Variants in RNF150 observed in about 807,000 individuals in gnomAD.
RNF150 encodes the protein ring finger protein 150.
In RNF150, 24 loss-of-function variants were observed where a neutral mutation model predicts 39.3. The observed-to-expected ratio is 0.61, with a 90% CI of 0.44 to 0.86. The LOEUF (loss-of-function observed/expected upper bound fraction) is 0.86. Among genes scored for constraint, RNF150 ranks in the 40% least tolerant of loss-of-function variants. The pLI is 0.00. For missense variants in RNF150, 502 were observed against 587.8 expected (o/e 0.85, Z 1.51); for synonymous variants, 255 against 227.3 (o/e 1.12, Z -1.10).
At chr4:140,956,759 C>A (rs772230770) in intron 2 of RNF150, among the ~76,000 whole-genome samples, 1 of 152,204 alleles carries the variant, frequency 6.6e-6, no homozygotes, top group Non-Finnish European at 1.5e-5. Flanking sequence ...CACATATCTA[C>A]AACTACCTAA....
At chr4:141,052,065 T>G (rs923234812) in intron 1 of RNF150, among the ~76,000 whole-genome samples, 1 of 152,122 alleles carries the variant, frequency 6.6e-6, no homozygotes, top group African/African-American at 2.4e-5. Context: ...GAAACTCGTT[T>G]TTAAAACCAT....
chr4:141,110,293 A>G (rs1032814520), intron 1 of RNF150, among the ~76,000 whole-genome samples: 1 of 152,130 alleles, frequency 6.6e-6, no homozygotes, highest in Admixed American at 6.6e-5. Flanking sequence ...AGATTCTACT[A>G]TCTTCCCACA....
intron 1 of RNF150, among the ~76,000 whole-genome samples, chr4:141,001,598 A>G (rs1441520803): frequency 6.6e-6 from 1 of 152,054 alleles, no homozygotes; most frequent in Non-Finnish European, 1.5e-5. Flanking sequence ...CTGGTTTAAA[A>G]CCATATCCAA....
At chr4:141,212,073 G>A (rs547908469) in intron 1 of RNF150, among the ~76,000 whole-genome samples, 1 of 152,284 alleles carries the variant, frequency 6.6e-6, no homozygotes, top group East Asian at 1.9e-4. Flanking sequence ...CAGAGTTCCA[G>A]GTGCTACCAA....
At chr4:141,102,621 C>T (rs368986946) in intron 1 of RNF150, among the ~76,000 whole-genome samples, 1 of 152,174 alleles carries the variant, frequency 6.6e-6, no homozygotes, top group African/African-American at 2.4e-5. Flanking sequence ...AGTCCTGCTT[C>T]CCTTGCTCAA....
chr4:140,907,587 A>T (rs1410764336), intron 6 of RNF150, among the ~76,000 whole-genome samples: 1 of 152,234 alleles, frequency 6.6e-6, no homozygotes, highest in African/African-American at 2.4e-5. Flanking sequence ...TGAGAGTATA[A>T]GTAGGAAGTA....
At chr4:140,892,756 C>T (rs181554727) in intron 6 of RNF150, among the ~76,000 whole-genome samples, 23 of 151,212 alleles carry the variant, frequency 1.5e-4, no homozygotes, top group African/African-American at 5.7e-4. Context: ...CCAAACTGTA[C>T]CCTAGAGTAA....
At chr4:141,043,697 A>G (rs1453039767) in intron 1 of RNF150, among the ~76,000 whole-genome samples, 1 of 152,122 alleles carries the variant, frequency 6.6e-6, no homozygotes, top group Admixed American at 6.6e-5. Context: ...AAGTAGGTCA[A>G]TTGGGTGGGA....
At position 140,886,355 on chromosome 4, in the gene RNF150, T is replaced by C. The variant is rs373310602; in HGVS notation, c.1199-17976A>G. Among the ~76,000 whole-genome samples the C allele has an allele frequency of 7.2e-5, 11 of 152,074 alleles. No homozygotes were observed. In the East Asian group the frequency reaches 9.6e-4, roughly 13 times the overall value. ...GTTGTGTTCAGCTGAGTGGAGTGGGTAGTAGTGAAAAACAGGAAATAAATA... is the reference window on the plus strand; with the variant it reads ...GTTGTGTTCAGCTGAGTGGAGTGGGCAGTAGTGAAAAACAGGAAATAAATA... On this transcript the variant is annotated intron_variant, in intron 6 of 6. Transcript: ENST00000515673.
chr4:140,922,023 G>A (rs1731176045), intron 5 of RNF150, among the ~76,000 whole-genome samples: 1 of 103,584 alleles, frequency 9.7e-6, no homozygotes, highest in Non-Finnish European at 2.0e-5. Flanking sequence ...TATTGAATGG[G>A]CAAAAACTGG....
At chr4:141,159,142 A>T (rs1050306439) in intron 1 of RNF150, among the ~76,000 whole-genome samples, 3 of 152,188 alleles carry the variant, frequency 2.0e-5, no homozygotes, top group Admixed American at 6.6e-5. Context: ...AGCTGTTTCC[A>T]AATTTTTGAC....
chr4:141,130,556 C>T (rs1369083661), intron 1 of RNF150, among the ~76,000 whole-genome samples: 2 of 152,170 alleles, frequency 1.3e-5, no homozygotes, highest in Non-Finnish European at 2.9e-5. Context: ...AATGTGTTGG[C>T]AGTTCTAGAG....
chr4:141,091,256 A>G (rs1341924732), intron 1 of RNF150, among the ~76,000 whole-genome samples: 1 of 152,230 alleles, frequency 6.6e-6, no homozygotes, highest in Non-Finnish European at 1.5e-5. Flanking sequence ...GACTGATGTG[A>G]GGATTAAATG....
At chr4:140,907,309 T>G (rs1302333366) in intron 6 of RNF150, among the ~76,000 whole-genome samples, 1 of 152,232 alleles carries the variant, frequency 6.6e-6, no homozygotes, top group Non-Finnish European at 1.5e-5. Flanking sequence ...TTTTAAAAGA[T>G]GAAATGTCAG....
At chr4:141,169,960 A>T (rs759911179) in intron 1 of RNF150, among the ~76,000 whole-genome samples, 2 of 152,192 alleles carry the variant, frequency 1.3e-5, no homozygotes, top group Non-Finnish European at 2.9e-5. Flanking sequence ...GAAGAAAAAT[A>T]TAGGAAATGG....
rs1728590168 is a variant in RNF150 at position 140,863,831 on chromosome 4, TA to T, written c.*4429del. 6.7e-6 allele frequency: 1 copy of T among 149,074 alleles called. No homozygotes were observed. Among genetic ancestry groups the T allele is most frequent in the Non-Finnish European group, 1.5e-5 (1 of 66,608 alleles). 9.2% of individuals were successfully genotyped at this position (149,074 alleles called of 1,614,324 possible). A position where few individuals can be genotyped will look rare whatever the true frequency, so the allele number is the denominator to read the frequency against. ...CCAGATTTTTTGAAAAGTTTTGATT[TA>T]AGGATTTTTTTTTAAGTCAGGGTGA... On this transcript the variant is annotated 3_prime_UTR_variant, in exon 7 of 7. Coordinates refer to ENST00000515673, the MANE Select transcript of RNF150 (RefSeq NM_020724.2).
At chr4:141,043,087 T>C (rs1237213776) in intron 1 of RNF150, among the ~76,000 whole-genome samples, 1 of 152,132 alleles carries the variant, frequency 6.6e-6, no homozygotes, top group Non-Finnish European at 1.5e-5. Context: ...TTGAAAAATA[T>C]AATATGAATG....
intron 1 of RNF150, among the ~76,000 whole-genome samples, chr4:141,052,140 C>T (rs1473473355): frequency 6.6e-6 from 1 of 152,054 alleles, no homozygotes; most frequent in South Asian, 2.1e-4. Flanking sequence ...CCTCATAATC[C>T]AATCATCTCC....
intron 1 of RNF150, among the ~76,000 whole-genome samples, chr4:141,179,094 A>T (rs1045805038): frequency 6.8e-4 from 104 of 152,190 alleles, no homozygotes; most frequent in African/African-American, 2.2e-3. Flanking sequence ...ATGCATTATT[A>T]TATATTAAGA....
Sources: allele counts gnomAD v4.1 joint callset (sites outside exome capture counted in the v4.1 genomes callset), GRCh38; gene constraint gnomAD v4.1.1; transcripts MANE v1.5; gene names NCBI Gene and HGNC (gene_info 2026-07-23, HGNC 2026-07-21).